Variants in BAIAP2L2 observed in about 807,000 individuals in gnomAD.
BAIAP2L2 encodes the protein BAR/IMD domain containing adaptor protein 2 like 2.
In BAIAP2L2, 65 loss-of-function variants were observed where a neutral mutation model predicts 60.4. That is an observed-to-expected ratio of 1.08 (90% confidence interval 0.88 to 1.32). The LOEUF is 1.32. Ranked by LOEUF, BAIAP2L2 falls within the 40% of genes most tolerant of loss-of-function variation. The probability of loss-of-function intolerance (pLI) is 0.00; values close to 1 mark genes in which losing one functional copy is unlikely to be tolerated. For missense variants in BAIAP2L2, 836 were observed against 741.2 expected, an observed-to-expected ratio of 1.13 and a Z score of -1.48; for synonymous variants, 344 against 301.7, an observed-to-expected ratio of 1.14 and a Z score of -1.45.
intron 4 of BAIAP2L2, among the ~76,000 whole-genome samples, chr22:38,100,588 C>G (rs1206037214): frequency 6.6e-6 from 1 of 151,882 alleles, no homozygotes; most frequent in Non-Finnish European, 1.5e-5. Context: ...CTTAGCACCT[C>G]CCCACTCTCT....
Position 38,086,410 on chromosome 22 carries a change from G to A in BAIAP2L2, c.1299C>T (p.Leu433=). The stretch of plus-strand genomic sequence containing the variant: ...CTATGGAGTTGCCCGGCCGGTCCAG[G>A]AGGTCATCGAGGCTGTGGCTGCCCC... The part of the protein sequence containing the change: ...PLRGSHSLDD[L]LDRPGNSIAP... Residue 433 remains leucine (L), a synonymous_variant, in exon 12 of 14, where the codon CTC becomes CTT. Coordinates refer to ENST00000381669, the MANE Select transcript of BAIAP2L2 (RefSeq NM_025045.6). The A allele has an allele frequency of 6.5e-7, 1 of 1,529,512 alleles. No homozygotes were observed. Among genetic ancestry groups the A allele is most frequent in the Non-Finnish European group, 8.8e-7 (1 of 1,134,102 alleles). The allele number at this position is 1,529,512 out of a possible 1,614,324, so 94.7% of individuals were successfully genotyped here.
chr22:38,085,751 AG>A lies in BAIAP2L2; in HGVS notation c.1468-20del. 2 of 1,586,062 alleles carry A rather than the reference AG, an allele frequency of 1.3e-6. No homozygotes were observed. Among genetic ancestry groups the A allele is most frequent in the Non-Finnish European group, 1.7e-6 (2 of 1,167,446 alleles). On this transcript the variant is annotated intron_variant, in intron 12 of 13. Coordinates refer to ENST00000381669, the MANE Select transcript of BAIAP2L2 (RefSeq NM_025045.6). ...TCAGTTTCTGCAGTGGGGGTGGGGA[AG>A]GGCTGGTTTGGTGGGGAGAGGGGCA...
intron 13 of BAIAP2L2, 145 bp from the exon 14 acceptor site, chr22:38,085,520 T>C (rs1268943683): frequency 7.7e-7 from 1 of 1,301,236 alleles, no homozygotes; most frequent in Non-Finnish European, 1.1e-6. Flanking sequence ...CTTCATCTTT[T>C]TTTTTCTTTT....
In BAIAP2L2 at chr22:38,110,587, G is replaced by A; in HGVS notation, c.-62C>T. ...GCTGGTGGCGATGGCACAGCCGGGA[G>A]CAGTGGTAGGTAGTCCCTCAGGTGC... On this transcript the variant is annotated 5_prime_UTR_variant, in exon 1 of 14. Transcript: ENST00000381669. The A allele has an allele frequency of 6.9e-7, 1 of 1,444,464 alleles. No individual in the cohort carries two copies. 89.5% of individuals were successfully genotyped at this position (1,444,464 alleles called of 1,614,324 possible). A position where few individuals can be genotyped will look rare whatever the true frequency, so the allele number is the denominator to read the frequency against.
chr22:38,102,068 C>T lies in BAIAP2L2; in HGVS notation c.277-3586G>A, dbSNP rs960455685. 3.9e-5 allele frequency among the ~76,000 whole-genome samples: 6 copies of T among 152,074 alleles called. No individual in the cohort carries two copies. In the South Asian group the frequency reaches 6.2e-4, roughly 16 times the overall value. Reference sequence around the variant, plus strand: ...GAGGGACCTGAGCACAGGTGCACCCCGACATGGCCAGCAGATGGTCATGGG... The same window carrying T: ...GAGGGACCTGAGCACAGGTGCACCCTGACATGGCCAGCAGATGGTCATGGG... On this transcript the variant is annotated intron_variant, in intron 4 of 13. Coordinates refer to ENST00000381669, the MANE Select transcript of BAIAP2L2 (RefSeq NM_025045.6).
chr22:38,100,762 C>G (rs1265442742), intron 4 of BAIAP2L2, among the ~76,000 whole-genome samples: 1 of 152,132 alleles, frequency 6.6e-6, no homozygotes, highest in Non-Finnish European at 1.5e-5. Flanking sequence ...ATAAATTACC[C>G]AGTCTCAGGT....
intron 13 of BAIAP2L2, 93 bp from the exon 14 acceptor site, chr22:38,085,468 T>C: frequency 7.1e-7 from 1 of 1,404,932 alleles, no homozygotes; most frequent in Admixed American, 1.8e-5. Context: ...AGCTGGGTCC[T>C]GCCTCCTGCC....
Position 38,089,100 on chromosome 22 carries a change from C to T in BAIAP2L2, c.897G>A (p.Ser299=). The T allele has an allele frequency of 7.3e-7, 1 of 1,374,772 alleles. No homozygotes were observed. The allele number at this position is 1,374,772 out of a possible 1,614,324, so 85.2% of individuals were successfully genotyped here. Residue 299 remains serine, a synonymous_variant, in exon 9 of 14, where the codon TCG becomes TCA. Coordinates refer to ENST00000381669, the MANE Select transcript of BAIAP2L2 (RefSeq NM_025045.6). ...CCCCGGGGCGGGGGCACTCACAGGCCGACGGCGTGCGGGGCAGGGAGCGAC... is the reference window on the plus strand; with the variant it reads ...CCCCGGGGCGGGGGCACTCACAGGCTGACGGCGTGCGGGGCAGGGAGCGAC... ...PDRRSLPRTP[S]ASSLYSGSAQ...
chr22:38,094,685 C>T (rs2086385651), intron 7 of BAIAP2L2, among the ~76,000 whole-genome samples: 1 of 152,002 alleles, frequency 6.6e-6, no homozygotes, highest in South Asian at 2.1e-4. Flanking sequence ...TGTGGGATAG[C>T]AGGGGACGAG....
chr22:38,097,247 C>T (rs906795279), intron 6 of BAIAP2L2, 69 bp from the exon 7 acceptor site: 71 of 1,567,708 alleles, frequency 4.5e-5, no homozygotes, highest in Non-Finnish European at 5.8e-5. Context: ...CGCCCACAGG[C>T]GCCAGCTGTT....
chr22:38,109,164 G>T lies in BAIAP2L2; in HGVS notation c.96C>A (p.Tyr32Ter). The T allele has an allele frequency of 6.2e-7, 1 of 1,613,176 alleles. No individual in the cohort carries two copies. The highest frequency in any genetic ancestry group is 8.5e-7 in the Non-Finnish European group (1 of 1,179,702). ...QFNPALENLV[Y>*]LGNNYLRAFH... ...AGGCACGCAGGTAGTTGTTGCCCAG[G>T]TACACCAGGTTCTCCAGGGCGGGGT... Residue 32 changes from tyrosine (Y) to a stop codon, truncating the protein, a stop_gained, in exon 2 of 14, where the codon TAC becomes TAA. Coordinates refer to ENST00000381669, the MANE Select transcript of BAIAP2L2 (RefSeq NM_025045.6). LOFTEE classifies it high-confidence loss of function.
intron 2 of BAIAP2L2, 58 bp downstream of exon 2, chr22:38,109,075 G>T: frequency 7.0e-7 from 1 of 1,429,152 alleles, no homozygotes. Context: ...AGGGGCCTGG[G>T]TGGGTGGGAA....
Position 38,097,183 on chromosome 22 carries a change from G to A in BAIAP2L2, c.466-5C>T, listed in dbSNP as rs758208512. On this transcript the variant is annotated splice_region_variant and splice_polypyrimidine_tract_variant and intron_variant, in intron 6 of 13. Coordinates refer to ENST00000381669, the MANE Select transcript of BAIAP2L2 (RefSeq NM_025045.6). ...GTGCAGCCGGTTCACACTCTCCTGG[G>A]GGGGAACGGGAGTTCTGGCTGGGGG... The A allele has an allele frequency of 9.3e-6, 15 of 1,611,426 alleles. No individual in the cohort carries two copies. The African/African-American group carries it at 1.3e-4, about 14-fold the overall frequency.
chr22:38,110,081 GACA>G (rs2086785745), intron 1 of BAIAP2L2, among the ~76,000 whole-genome samples: 1 of 6,336 alleles, frequency 1.6e-4, no homozygotes, highest in African/African-American at 3.5e-4. Context: ...GAGAGAGAGA[GACA>G]GAGAGAGAGA....
chr22:38,088,746 AC>A lies in BAIAP2L2; in HGVS notation c.1118+1del. ...CCCGGCCCCTCCAAGGCTCCCACTC[AC>A]GCGGACGAGCCCTCCAGCTTGCCGT... is the stretch of plus-strand genomic sequence containing the variant. On this transcript the variant is annotated splice_donor_variant, in intron 10 of 13. Coordinates refer to ENST00000381669, the MANE Select transcript of BAIAP2L2 (RefSeq NM_025045.6). LOFTEE classifies it high-confidence loss of function. 12 of 1,539,184 alleles carry A rather than the reference AC, an allele frequency of 7.8e-6. No individual in the cohort carries two copies. Among genetic ancestry groups the A allele is most frequent in the Non-Finnish European group, 9.6e-6 (11 of 1,143,554 alleles).
rs779404687 is a variant in BAIAP2L2 at position 38,086,427 on chromosome 22, G to C, written c.1282C>G (p.His428Asp). The C allele has an allele frequency of 5.2e-6, 8 of 1,523,962 alleles. No homozygotes were observed. Among genetic ancestry groups the C allele is most frequent in the Non-Finnish European group, 2.7e-6 (3 of 1,131,140 alleles). The allele number at this position is 1,523,962 out of a possible 1,614,324, so 94.4% of individuals were successfully genotyped here. ...CGGTCCAGGAGGTCATCGAGGCTGTGGCTGCCCCGGAGTGGGTAGGACCTA... is the reference window on the plus strand; with the variant it reads ...CGGTCCAGGAGGTCATCGAGGCTGTCGCTGCCCCGGAGTGGGTAGGACCTA... ...PSRSYPLRGS[H>D]SLDDLLDRPG... Residue 428 changes from histidine to aspartate, a missense_variant, in exon 12 of 14, where the codon CAC becomes GAC. By Grantham distance (81) the His-to-Asp change is moderately conservative. Transcript: ENST00000381669.
rs774281353 is a variant in BAIAP2L2 at position 38,085,120 on chromosome 22, C to T, written c.*180G>A. The T allele has an allele frequency of 1.1e-4, 69 of 602,902 alleles. No homozygotes were observed. The highest frequency in any genetic ancestry group is 4.5e-4 in the Middle Eastern group (1 of 2,230). 37.3% of individuals were successfully genotyped at this position (602,902 alleles called of 1,614,324 possible). ...TCCGCCTGCTTTACTTTGAAGGTCT[C>T]GGACCCCAAGCCAGTGCTTTGGAGC... On this transcript the variant is annotated 3_prime_UTR_variant, in exon 14 of 14. Coordinates refer to ENST00000381669, the MANE Select transcript of BAIAP2L2 (RefSeq NM_025045.6).
intron 7 of BAIAP2L2, among the ~76,000 whole-genome samples, chr22:38,092,078 T>G (rs1051779813): frequency 3.9e-5 from 6 of 152,248 alleles, no homozygotes; most frequent in African/African-American, 1.4e-4. Context: ...ATTCTTGGGC[T>G]TACCAATTCC....
Position 38,107,974 on chromosome 22 carries a change from C to T in BAIAP2L2, c.215-61G>A, listed in dbSNP as rs532636697. On this transcript the variant is annotated intron_variant, in intron 3 of 13. Transcript: ENST00000381669. ...GGCAGCCTGCCCCGCCCACCCACCA[C>T]CCTCTTCCGCTGAAAGCCAACAGAG... 1.1e-4 allele frequency: 164 copies of T among 1,544,558 alleles called. No individual in the cohort carries two copies. In the East Asian group the frequency reaches 1.1e-3, roughly 11 times the overall value.
Sources: allele counts gnomAD v4.1 joint callset (sites outside exome capture counted in the v4.1 genomes callset), GRCh38; gene constraint gnomAD v4.1.1; transcripts MANE v1.5; gene names NCBI Gene and HGNC (gene_info 2026-07-23, HGNC 2026-07-21).